Variants in TENM2 observed in about 807,000 individuals in gnomAD.
TENM2 encodes teneurin transmembrane protein 2.
A neutral mutation model predicts 245.2 loss-of-function variants in TENM2; 52 were observed. That is an observed-to-expected ratio of 0.21 (90% CI 0.17 to 0.27). TENM2 has a LOEUF of 0.27. Among genes scored for constraint, TENM2 ranks in the 10% least tolerant of loss-of-function variants. TENM2 has a pLI of 1.00. For missense variants in TENM2, 3,046 were observed against 3,666.8 expected (o/e 0.83, Z 4.37); for synonymous variants, 1,363 against 1,438.9 (o/e 0.95, Z 1.19).
the TENM2 span, among the ~76,000 whole-genome samples, chr5:166,982,791 T>TC: frequency 6.7e-6 from 1 of 149,622 alleles, no homozygotes; most frequent in Non-Finnish European, 1.5e-5. Context: ...ATGTTTTTTT[T>TC]GGGGGGGGGA....
chr5:167,946,045 A>T (rs1779596719), intron 3 of TENM2, among the ~76,000 whole-genome samples: 1 of 152,250 alleles, frequency 6.6e-6, no homozygotes. Flanking sequence ...CTGTGAAGCC[A>T]GCCATACCAT....
chr5:167,251,651 C>T, the TENM2 span, among the ~76,000 whole-genome samples: 1 of 152,070 alleles, frequency 6.6e-6, no homozygotes, highest in African/African-American at 2.4e-5. Context: ...TGTGTCTGGG[C>T]CCACTTTATC....
intron 5 of TENM2, among the ~76,000 whole-genome samples, chr5:167,998,366 A>T (rs1472098500): frequency 6.6e-6 from 1 of 152,190 alleles, no homozygotes; most frequent in Non-Finnish European, 1.5e-5. Context: ...ATTGGAATAG[A>T]TCTAGTTTCC....
chr5:167,922,774 A>G (rs1157342413), intron 3 of TENM2, among the ~76,000 whole-genome samples: 3 of 152,092 alleles, frequency 2.0e-5, no homozygotes, highest in African/African-American at 7.2e-5. Context: ...TGCCTCTTTG[A>G]AGCCTTGTCC....
At chr5:167,015,580 T>A in the TENM2 span, among the ~76,000 whole-genome samples, 18 of 152,194 alleles carry the variant, frequency 1.2e-4, no homozygotes, top group Non-Finnish European at 2.1e-4. Context: ...CTTGAAAAAA[T>A]TCTTGCCCAT....
chr5:167,932,707 A>G (rs1242472482), intron 3 of TENM2, among the ~76,000 whole-genome samples: 1 of 152,090 alleles, frequency 6.6e-6, no homozygotes, highest in Non-Finnish European at 1.5e-5. Flanking sequence ...ATGAAGATCC[A>G]GATAGAAAAT....
chr5:167,598,913 G>A (rs551940248), intron 2 of TENM2, among the ~76,000 whole-genome samples: 34 of 152,232 alleles, frequency 2.2e-4, no homozygotes, highest in African/African-American at 7.9e-4. Context: ...CTTACATTAA[G>A]GGTTCTTTTG....
At chr5:167,746,972 G>T (rs1223519519) in intron 2 of TENM2, among the ~76,000 whole-genome samples, 1 of 152,110 alleles carries the variant, frequency 6.6e-6, no homozygotes, top group Non-Finnish European at 1.5e-5. Context: ...GCAAAATGGT[G>T]TTCCCTGCCC....
intron 2 of TENM2, among the ~76,000 whole-genome samples, chr5:167,596,806 A>AAAT (rs1215687709): frequency 6.6e-6 from 1 of 151,872 alleles, no homozygotes; most frequent in African/African-American, 2.4e-5. Flanking sequence ...AAAAAAAAAA[A>AAAT]AAAAGAAGAA....
At chr5:167,693,781 G>A (rs1310074233) in intron 2 of TENM2, among the ~76,000 whole-genome samples, 1 of 152,126 alleles carries the variant, frequency 6.6e-6, no homozygotes, top group Non-Finnish European at 1.5e-5. Context: ...TCTTAATGCT[G>A]TGTTTCACTT....
chr5:167,396,196 G>A (rs1762040083), intron 2 of TENM2, among the ~76,000 whole-genome samples: 2 of 152,256 alleles, frequency 1.3e-5, no homozygotes, highest in Admixed American at 1.3e-4. Flanking sequence ...TAACCAAGAT[G>A]TGGGGAGAAC....
chr5:167,176,590 A>G, the TENM2 span, among the ~76,000 whole-genome samples: 2 of 152,218 alleles, frequency 1.3e-5, no homozygotes, highest in Non-Finnish European at 2.9e-5. Flanking sequence ...GAAGTATCAC[A>G]TGGGTGAATC....
chr5:167,101,849 T>TTTTATATATATATA, the TENM2 span, among the ~76,000 whole-genome samples: 5 of 69,438 alleles, frequency 7.2e-5, no homozygotes, highest in East Asian at 4.2e-4. Context: ...ATATATATAT[T>TTTTATATATATATA]TATATATATA....
At chr5:167,068,831 C>T in the TENM2 span, among the ~76,000 whole-genome samples, 126 of 152,190 alleles carry the variant, frequency 8.3e-4, no homozygotes, top group African/African-American at 3.0e-3. Flanking sequence ...TCCCAAATGC[C>T]TCATTATGAA....
chr5:167,688,665 A>G lies in TENM2; in HGVS notation c.503-187321A>G, dbSNP rs555812470. On this transcript the variant is annotated intron_variant, in intron 2 of 28. Coordinates refer to ENST00000518659, the Ensembl canonical transcript of TENM2. ...AAGTGCTCATATTTTAAGGAACTCA[A>G]TGACAGCTGATAAAATATTGCATTT... Among the ~76,000 whole-genome samples, 13 of 152,340 alleles carry G rather than the reference A, an allele frequency of 8.5e-5. No individual in the cohort carries two copies. The East Asian group carries it at 2.5e-3, about 29-fold the overall frequency.
chr5:167,935,667 G>A (rs1423398514), intron 3 of TENM2, among the ~76,000 whole-genome samples: 1 of 152,116 alleles, frequency 6.6e-6, no homozygotes, highest in Non-Finnish European at 1.5e-5. Flanking sequence ...GAAGAGAGTG[G>A]TCCAGGAAGG....
intron 2 of TENM2, among the ~76,000 whole-genome samples, chr5:167,387,372 TC>T (rs1297208093): frequency 6.6e-6 from 1 of 152,164 alleles, no homozygotes; most frequent in African/African-American, 2.4e-5. Flanking sequence ...TAACTTTGTA[TC>T]CGGAAAGTTT....
the TENM2 span, among the ~76,000 whole-genome samples, chr5:167,158,863 C>T: frequency 7.4e-6 from 1 of 135,370 alleles, no homozygotes; most frequent in Non-Finnish European, 1.6e-5. Context: ...TTCCTTCCTT[C>T]CTTCCTTCCT....
At chr5:167,196,400 G>T in the TENM2 span, among the ~76,000 whole-genome samples, 1 of 150,768 alleles carries the variant, frequency 6.6e-6, no homozygotes, top group Admixed American at 6.6e-5. Flanking sequence ...TCCCATCCTT[G>T]CACATAAGTG....
Sources: allele counts gnomAD v4.1 joint callset (sites outside exome capture counted in the v4.1 genomes callset), GRCh38; gene constraint gnomAD v4.1.1; transcripts MANE v1.5; gene names NCBI Gene and HGNC (gene_info 2026-07-23, HGNC 2026-07-21).